The following CNTNAP2 variants were observed in gnomAD, a reference collection of about 807,000 sequenced individuals.
The protein encoded by CNTNAP2 is contactin-associated protein-like 2.
In CNTNAP2, 98 loss-of-function variants were observed where a neutral mutation model predicts 155.2. That is an observed-to-expected ratio of 0.63 (90% CI 0.54 to 0.75). The LOEUF is 0.75. Ranked by LOEUF, CNTNAP2 falls within the 30% of genes least tolerant of loss-of-function variation. The pLI is 0.00. For synonymous variants in CNTNAP2, 651 were observed against 631.2 expected (o/e 1.03, Z -0.47); for missense variants, 1,727 against 1,688.1 (o/e 1.02, Z -0.40).
chr7:147,806,390 G>T (rs1798092036), intron 13 of CNTNAP2, among the ~76,000 whole-genome samples: 1 of 152,190 alleles, frequency 6.6e-6, no homozygotes, highest in Non-Finnish European at 1.5e-5. Flanking sequence ...CCCACTGGTG[G>T]TGGGAATGTG....
intron 4 of CNTNAP2, among the ~76,000 whole-genome samples, chr7:147,058,406 A>G (rs1799602828): frequency 6.6e-6 from 1 of 152,184 alleles, no homozygotes; most frequent in Non-Finnish European, 1.5e-5. Flanking sequence ...ACTATATTCT[A>G]TTCTATTATA....
intron 1 of CNTNAP2, among the ~76,000 whole-genome samples, chr7:146,249,204 G>T (rs1799717997): frequency 6.6e-6 from 1 of 152,202 alleles, no homozygotes; most frequent in Non-Finnish European, 1.5e-5. Context: ...TGATGGCTTA[G>T]CTTGGGCTCA....
Position 148,171,778 on chromosome 7 carries a change from G to T in CNTNAP2, c.2774-464G>T, listed in dbSNP as rs535354696. 2.6e-5 allele frequency among the ~76,000 whole-genome samples: 4 copies of T among 152,282 alleles called. No homozygotes were observed. In the South Asian group the frequency reaches 6.2e-4, roughly 24 times the overall value. ...AAGCCTCTCTTGAGACAAGAACCAA[G>T]ATCTACAATCACATTTCAAACGGAT... On this transcript the variant is annotated intron_variant, in intron 17 of 23. Transcript: ENST00000361727.
rs566724764 is a variant in CNTNAP2, at chr7:148,304,274, T to A, written c.3475+37148T>A. Reference sequence around the variant, plus strand: ...TTGTTTTTATACTTTGTTATCGTCCTGGAAAAAAATGTCTGCTGCCTCTGA... The same window carrying A: ...TTGTTTTTATACTTTGTTATCGTCCAGGAAAAAAATGTCTGCTGCCTCTGA... On this transcript the variant is annotated intron_variant, in intron 21 of 23. Coordinates refer to ENST00000361727, the MANE Select transcript of CNTNAP2 (RefSeq NM_014141.6). Among the ~76,000 whole-genome samples the A allele has an allele frequency of 8.7e-3, 592 of 67,880 alleles. 7 individuals carry two copies. The highest frequency in any genetic ancestry group is 0.017 in the African/African-American group (560 of 32,696). 44.5% of individuals were successfully genotyped at this position (67,880 alleles called of 152,430 possible).
chr7:148,059,134 A>T (rs1212421652), intron 15 of CNTNAP2, among the ~76,000 whole-genome samples: 1 of 152,082 alleles, frequency 6.6e-6, no homozygotes, highest in African/African-American at 2.4e-5. Flanking sequence ...AATAAAAAAT[A>T]AAAATTAGCT....
At chr7:147,894,198 A>G (rs1010432118) in intron 13 of CNTNAP2, 1 of 152,240 alleles carries the variant, frequency 6.6e-6, no homozygotes, top group Non-Finnish European at 1.5e-5. Flanking sequence ...AATTGCACCA[A>G]TTAAGGATGC....
chr7:147,151,808 A>G (rs1305477260), intron 8 of CNTNAP2, among the ~76,000 whole-genome samples: 2 of 152,212 alleles, frequency 1.3e-5, no homozygotes, highest in African/African-American at 4.8e-5. Context: ...GTGTTACTCC[A>G]ACATGTTTTC....
At chr7:147,321,945 A>T (rs745944600) in intron 9 of CNTNAP2, among the ~76,000 whole-genome samples, 3 of 152,204 alleles carry the variant, frequency 2.0e-5, no homozygotes, top group African/African-American at 7.2e-5. Flanking sequence ...TAACAAGATG[A>T]AGATTTCTTC....
At chr7:148,390,179 C>CAAAG (rs766640708) in intron 22 of CNTNAP2, among the ~76,000 whole-genome samples, 77 of 152,330 alleles carry the variant, frequency 5.1e-4, no homozygotes, top group Non-Finnish European at 9.1e-4. Flanking sequence ...ATCAAGCTTG[C>CAAAG]AAAGAGACCA....
intron 1 of CNTNAP2, among the ~76,000 whole-genome samples, chr7:146,495,385 T>C (rs1380444924): frequency 6.6e-6 from 1 of 152,140 alleles, no homozygotes; most frequent in Non-Finnish European, 1.5e-5. Flanking sequence ...GAGAGTTAAC[T>C]GGATTATGTC....
intron 1 of CNTNAP2, among the ~76,000 whole-genome samples, chr7:146,205,324 T>A (rs1798929398): frequency 6.6e-6 from 1 of 151,982 alleles, no homozygotes; most frequent in African/African-American, 2.4e-5. Flanking sequence ...TTTATTAAAT[T>A]GCTGAGCAGA....
chr7:147,897,625 A>T (rs1936604467), intron 13 of CNTNAP2, among the ~76,000 whole-genome samples: 1 of 152,202 alleles, frequency 6.6e-6, no homozygotes, highest in South Asian at 2.1e-4. Context: ...GCATTTCATG[A>T]GGTCAAAATG....
chr7:147,991,185 G>A (rs977761706), intron 15 of CNTNAP2, among the ~76,000 whole-genome samples: 1 of 152,152 alleles, frequency 6.6e-6, no homozygotes, highest in African/African-American at 2.4e-5. Flanking sequence ...CTATTTATTT[G>A]CTTTATTGTC....
chr7:146,529,919 C>T (rs568882901), intron 1 of CNTNAP2, among the ~76,000 whole-genome samples: 4 of 152,106 alleles, frequency 2.6e-5, no homozygotes, highest in East Asian at 1.9e-4. Flanking sequence ...GAGCCGAGAT[C>T]GTGCCACTGC....
chr7:147,772,446 C>CCATATATA (rs71527835), intron 13 of CNTNAP2, among the ~76,000 whole-genome samples: 32 of 63,742 alleles, frequency 5.0e-4, no homozygotes, highest in Non-Finnish European at 8.0e-4. Context: ...CTCTCTCTCG[C>CCATATATA]TATATATATA....
intron 9 of CNTNAP2, among the ~76,000 whole-genome samples, chr7:147,354,381 A>G (rs1796025016): frequency 6.6e-6 from 1 of 152,146 alleles, no homozygotes. Context: ...AACACTATTT[A>G]TTAAATAGGG....
At chr7:147,758,596 C>T (rs1431861238) in intron 13 of CNTNAP2, among the ~76,000 whole-genome samples, 1 of 152,148 alleles carries the variant, frequency 6.6e-6, no homozygotes, top group Non-Finnish European at 1.5e-5. Flanking sequence ...GTAATACCAG[C>T]ACTTTGGGAG....
At chr7:147,819,781 A>G (rs1466622715) in intron 13 of CNTNAP2, among the ~76,000 whole-genome samples, 1 of 152,170 alleles carries the variant, frequency 6.6e-6, no homozygotes, top group African/African-American at 2.4e-5. Flanking sequence ...TTTTATAGAA[A>G]TAGAGTAATA....
intron 1 of CNTNAP2, among the ~76,000 whole-genome samples, chr7:146,515,117 T>C (rs1797521904): frequency 6.6e-6 from 1 of 152,024 alleles, no homozygotes; most frequent in Admixed American, 6.6e-5. Flanking sequence ...CTTTCTGTTT[T>C]AGTATTTCTG....
Sources: gnomAD v4.1 joint callset for allele counts (sites outside exome capture counted in the v4.1 genomes callset) on GRCh38, gnomAD v4.1.1 for gene constraint, MANE v1.5 for transcripts, NCBI Gene and HGNC (gene_info 2026-07-23, HGNC 2026-07-21) for gene names.